SLC9A9: variants seen among roughly 807,000 people sequenced by gnomAD.
The protein encoded by SLC9A9 is sodium/hydrogen exchanger 9.
SLC9A9 carries 62 observed loss-of-function variants against 77.8 expected under a neutral mutation model. The ratio of observed to expected loss-of-function variants is 0.80; its 90% confidence interval spans 0.65 to 0.98. SLC9A9 has a LOEUF of 0.98. Ranked by LOEUF, SLC9A9 falls within the 50% of genes least tolerant of loss-of-function variation. SLC9A9 has a pLI of 0.00. For missense variants in SLC9A9, 775 were observed against 774.9 expected, an observed-to-expected ratio of 1.00 and a Z score of 0.00; for synonymous variants, 320 against 283.5, an observed-to-expected ratio of 1.13 and a Z score of -1.29.
At chr3:143,755,292 A>T (rs2006885188) in intron 4 of SLC9A9, among the ~76,000 whole-genome samples, 1 of 135,266 alleles carries the variant, frequency 7.4e-6, no homozygotes, top group South Asian at 2.4e-4. Flanking sequence ...CTCCAAGTTG[A>T]ACATATTTGG....
intron 1 of SLC9A9, among the ~76,000 whole-genome samples, chr3:143,846,563 C>T (rs1576768582): frequency 6.6e-6 from 1 of 151,900 alleles, no homozygotes; most frequent in East Asian, 1.9e-4. Context: ...CGTTAAGACC[C>T]TCAATACTGG....
At chr3:143,733,491 T>C (rs1305892253) in intron 4 of SLC9A9, among the ~76,000 whole-genome samples, 1 of 151,996 alleles carries the variant, frequency 6.6e-6, no homozygotes, top group Non-Finnish European at 1.5e-5. Flanking sequence ...ACTAATGAAT[T>C]GTTTTCTAGG....
At chr3:143,715,588 G>A (rs1934321696) in intron 4 of SLC9A9, among the ~76,000 whole-genome samples, 1 of 152,154 alleles carries the variant, frequency 6.6e-6, no homozygotes, top group Admixed American at 6.5e-5. Flanking sequence ...CTAGGATGAG[G>A]GCAGGGAACA....
chr3:143,389,280 G>A (rs2033498945), intron 12 of SLC9A9, among the ~76,000 whole-genome samples: 1 of 152,192 alleles, frequency 6.6e-6, no homozygotes, highest in African/African-American at 2.4e-5. Context: ...AAAGAAACTG[G>A]AGGCATGGAG....
At chr3:143,840,801 T>C (rs1459764579) in intron 1 of SLC9A9, among the ~76,000 whole-genome samples, 1 of 151,876 alleles carries the variant, frequency 6.6e-6, no homozygotes, top group East Asian at 1.9e-4. Flanking sequence ...AATTTGAGAG[T>C]GCACGCTTTC....
intron 13 of SLC9A9, among the ~76,000 whole-genome samples, chr3:143,368,994 T>A (rs1203845132): frequency 6.6e-6 from 1 of 152,134 alleles, no homozygotes; most frequent in African/African-American, 2.4e-5. Flanking sequence ...TTCATAAATA[T>A]TACCAGGAAG....
rs150067671 is a variant in SLC9A9, at chr3:143,509,797, A to G, written c.1090-14349T>C. Among the ~76,000 whole-genome samples, 1,345 of 152,282 alleles carry G rather than the reference A, an allele frequency of 8.8e-3. 13 individuals carry two copies. Among genetic ancestry groups the G allele is most frequent in the African/African-American group, 0.03 (1,253 of 41,564 alleles). On this transcript the variant is annotated intron_variant, in intron 9 of 15. Coordinates refer to ENST00000316549, the MANE Select transcript of SLC9A9 (RefSeq NM_173653.4). ...TTATCTGCAAAAAAATTATATACAT[A>G]TATATGGAGAAAGACTGTACTATAG... is the stretch of plus-strand genomic sequence containing the variant.
chr3:143,352,016 T>C (rs928888648), intron 14 of SLC9A9, among the ~76,000 whole-genome samples: 3 of 152,230 alleles, frequency 2.0e-5, no homozygotes, highest in African/African-American at 7.2e-5. Context: ...TTGTTTACCA[T>C]GTGGGGCACC....
intron 12 of SLC9A9, among the ~76,000 whole-genome samples, chr3:143,466,160 C>T (rs1461064310): frequency 6.6e-6 from 1 of 152,192 alleles, no homozygotes; most frequent in Non-Finnish European, 1.5e-5. Flanking sequence ...CTTTTCTAGT[C>T]AGATGGATCT....
intron 6 of SLC9A9, chr3:143,627,418 A>G: frequency 4.5e-6 from 1 of 223,838 alleles, no homozygotes; most frequent in Non-Finnish European, 9.5e-6. Flanking sequence ...AATGTTCCTC[A>G]GCCACCACCC....
chr3:143,597,372 A>T (rs1168358289), intron 6 of SLC9A9, among the ~76,000 whole-genome samples: 1 of 152,186 alleles, frequency 6.6e-6, no homozygotes, highest in Non-Finnish European at 1.5e-5. Context: ...TCCTTCTTGC[A>T]GACAGACAGG....
At chr3:143,374,005 G>T (rs1014245332) in intron 13 of SLC9A9, among the ~76,000 whole-genome samples, 1 of 151,908 alleles carries the variant, frequency 6.6e-6, no homozygotes, top group African/African-American at 2.4e-5. Context: ...AAGAAAACTA[G>T]GCATATAAGA....
At chr3:143,552,216 AT>A in intron 9 of SLC9A9, 145 bp downstream of exon 9, 1 of 611,932 alleles carries the variant, frequency 1.6e-6, no homozygotes, top group Non-Finnish European at 2.8e-6. Flanking sequence ...AGGGAAAAAA[AT>A]CTATAAATAT....
chr3:143,447,866 A>G (rs73867641), intron 12 of SLC9A9, among the ~76,000 whole-genome samples: 251 of 152,326 alleles, frequency 1.6e-3, no homozygotes, highest in African/African-American at 5.8e-3. Context: ...TGAAAGGTGA[A>G]TTAGGGATGT....
chr3:143,297,342 G>A (rs2030314189), intron 14 of SLC9A9, among the ~76,000 whole-genome samples: 1 of 152,316 alleles, frequency 6.6e-6, no homozygotes, highest in East Asian at 1.9e-4. Flanking sequence ...GTTTTCTTGT[G>A]TGAAAACATA....
At chr3:143,735,823 C>T (rs930515480) in intron 4 of SLC9A9, among the ~76,000 whole-genome samples, 1 of 152,158 alleles carries the variant, frequency 6.6e-6, no homozygotes, top group Non-Finnish European at 1.5e-5. Flanking sequence ...GAGTTCAAGT[C>T]CTTGCTCTGC....
intron 14 of SLC9A9, among the ~76,000 whole-genome samples, chr3:143,355,443 T>A (rs1299273977): frequency 3.9e-5 from 6 of 152,210 alleles, no homozygotes; most frequent in African/African-American, 1.4e-4. Flanking sequence ...GGGACTTCCA[T>A]TATCCCCATT....
At chr3:143,837,024 A>G (rs1345003822) in intron 1 of SLC9A9, among the ~76,000 whole-genome samples, 1 of 152,198 alleles carries the variant, frequency 6.6e-6, no homozygotes, top group African/African-American at 2.4e-5. Flanking sequence ...CATGAGGCTG[A>G]AGCATTTTCT....
chr3:143,575,512 GT>G lies in SLC9A9; in HGVS notation c.895-1320del, dbSNP rs571600115. Among the ~76,000 whole-genome samples, 485 of 151,946 alleles carry G rather than the reference GT, an allele frequency of 3.2e-3. 2 individuals are homozygous for G. Among genetic ancestry groups the G allele is most frequent in the African/African-American group, 9.7e-3 (403 of 41,426 alleles). On this transcript the variant is annotated intron_variant, in intron 7 of 15. Transcript: ENST00000316549. The stretch of plus-strand genomic sequence containing the variant: ...CTACTGTGGTCTAAATTAATTTTTG[GT>G]TTTTTTTGGTAAAACATCTTTTTGG...
Sources: gnomAD v4.1 joint callset for allele counts (sites outside exome capture counted in the v4.1 genomes callset) on GRCh38, gnomAD v4.1.1 for gene constraint, MANE v1.5 for transcripts, NCBI Gene and HGNC (gene_info 2026-07-23, HGNC 2026-07-21) for gene names.